CYP2R1: variants seen among roughly 807,000 people sequenced by gnomAD.
CYP2R1 encodes the protein vitamin D 25-hydroxylase.
CYP2R1 carries 40 observed loss-of-function variants against 45.7 expected under a neutral mutation model. The ratio of observed to expected loss-of-function variants is 0.87; its 90% CI spans 0.68 to 1.14. The LOEUF (loss-of-function observed/expected upper bound fraction) is 1.14, where lower values mean the gene tolerates loss of function less well. Among genes scored for constraint, CYP2R1 ranks in the 50% most tolerant of loss-of-function variants. The pLI, the probability that CYP2R1 is intolerant of heterozygous loss-of-function variation, is 0.00. For synonymous variants in CYP2R1, 234 were observed against 219.3 expected, an observed-to-expected ratio of 1.07 and a Z score of -0.59; for missense variants, 605 against 602.6, an observed-to-expected ratio of 1.00 and a Z score of -0.04.
At chr11:14,883,670 C>G (rs1376068992) in intron 2 of CYP2R1, among the ~76,000 whole-genome samples, 6 of 152,062 alleles carry the variant, frequency 3.9e-5, no homozygotes, top group Admixed American at 3.9e-4. Context: ...CAACAAAAGA[C>G]AAAATTGACA....
Position 14,892,145 on chromosome 11 carries a change from G to C in CYP2R1, c.61C>G (p.Leu21Val). 5 of 1,611,278 alleles carry C rather than the reference G, an allele frequency of 3.1e-6. No individual in the cohort carries two copies. In the East Asian group the frequency reaches 1.1e-4, roughly 36 times the overall value. The part of the protein sequence containing the change: ...AAALGGALFL[L>V]LFALGVRQLL... The stretch of plus-strand genomic sequence containing the variant: ...TGGCGGACCCCTAGCGCGAAGAGCA[G>C]CAGGAAGAGCGCGCCGCCGAGCGCC... Residue 21 changes from leucine to valine, a missense_variant, in exon 1 of 5, where the codon CTG becomes GTG. Leu to Val is a conservative substitution (Grantham distance 32). Transcript: ENST00000334636.
rs1848345376 is a variant in CYP2R1 at position 14,880,647 on chromosome 11, T to G, written c.489A>C (p.Lys163Asn). ...SFESKILEET[K>N]FFNDAIETYK... ...ATGTTTCAATAGCATCATTGAAAAA[T>G]TTGGTTTCTTCCAAGATTTTAGATT... The change falls in exon 3 of 5, where the codon AAA becomes AAC. Residue 163 changes from lysine to asparagine, a missense_variant. By Grantham distance (94) the Lys-to-Asn change is moderately conservative. Coordinates refer to ENST00000334636, the MANE Select transcript of CYP2R1 (RefSeq NM_024514.5). 1 of 1,598,208 alleles carries G rather than the reference T, an allele frequency of 6.3e-7. No homozygotes were observed. The highest frequency in any genetic ancestry group is 8.5e-7 in the Non-Finnish European group (1 of 1,174,016).
At chr11:14,884,601 C>T (rs1351225521) in intron 2 of CYP2R1, among the ~76,000 whole-genome samples, 5 of 151,392 alleles carry the variant, frequency 3.3e-5, no homozygotes, top group African/African-American at 1.2e-4. Flanking sequence ...TTAATGGGTG[C>T]AGCATACCAG....
At chr11:14,884,405 C>T (rs1202117839) in intron 2 of CYP2R1, among the ~76,000 whole-genome samples, 2 of 151,764 alleles carry the variant, frequency 1.3e-5, no homozygotes, top group Non-Finnish European at 2.9e-5. Context: ...AATTGGAAAT[C>T]ATCATTCTCA....
chr11:14,891,741 C>T, intron 1 of CYP2R1: 1 of 1,345,370 alleles, frequency 7.4e-7, no homozygotes, highest in Non-Finnish European at 9.5e-7. Context: ...ACTGGATCGC[C>T]TCGGAGCCTC....
At chr11:14,878,430 T>G in intron 4 of CYP2R1, 133 bp from the exon 5 acceptor site, 1 of 885,222 alleles carries the variant, frequency 1.1e-6, no homozygotes, top group Non-Finnish European at 1.7e-6. Flanking sequence ...TATTAAAGGA[T>G]TTTCTTAAAT....
intron 4 of CYP2R1, 97 bp from the exon 5 acceptor site, chr11:14,878,394 TAAAC>T: frequency 8.3e-7 from 1 of 1,201,856 alleles, no homozygotes; most frequent in Non-Finnish European, 1.2e-6. Context: ...ATCTGGAATT[TAAAC>T]AAAGAAAGAG....
At chr11:14,884,065 A>C (rs1158092279) in intron 2 of CYP2R1, among the ~76,000 whole-genome samples, 1 of 152,052 alleles carries the variant, frequency 6.6e-6, no homozygotes, top group Non-Finnish European at 1.5e-5. Flanking sequence ...AATTAGGAAT[A>C]CTTTTACACT....
intron 1 of CYP2R1, among the ~76,000 whole-genome samples, chr11:14,889,899 C>A (rs1848764582): frequency 6.6e-6 from 1 of 152,092 alleles, no homozygotes; most frequent in Non-Finnish European, 1.5e-5. Flanking sequence ...GAGGCCGAGG[C>A]GGGCAGATCA....
At chr11:14,885,150 T>A (rs967529353) in intron 2 of CYP2R1, among the ~76,000 whole-genome samples, 7 of 152,198 alleles carry the variant, frequency 4.6e-5, no homozygotes, top group African/African-American at 7.2e-5. Flanking sequence ...ACAACTTTAG[T>A]AAAAATTCTT....
intron 1 of CYP2R1, 79 bp downstream of exon 1, chr11:14,891,902 A>G (rs1590237446): frequency 1.3e-5 from 20 of 1,527,570 alleles, no homozygotes; most frequent in East Asian, 7.3e-5. Flanking sequence ...AGGGGCGGCC[A>G]TAAGTCCAAC....
At chr11:14,892,274 A>G, upstream of CYP2R1, 2 of 1,442,612 alleles carry the variant, frequency 1.4e-6, no homozygotes, top group Non-Finnish European at 1.9e-6. Context: ...GCCCTGCCAT[A>G]CTCCCATTGG....
chr11:14,891,610 C>G, intron 1 of CYP2R1: 1 of 1,066,076 alleles, frequency 9.4e-7, no homozygotes, highest in Non-Finnish European at 1.1e-6. Flanking sequence ...GCGAGGCCGA[C>G]TCGCAAGACG....
chr11:14,890,526 C>T, intron 1 of CYP2R1: 5 of 314,650 alleles, frequency 1.6e-5, no homozygotes, highest in Non-Finnish European at 2.2e-5. Flanking sequence ...TTCTAGAAAC[C>T]TAGACCAATT....
At chr11:14,887,719 T>TTGAAGGATGTATGGAGTGG in intron 1 of CYP2R1, 2 of 780,718 alleles carry the variant, frequency 2.6e-6, no homozygotes, top group South Asian at 5.8e-5. Context: ...TAATGACCAC[T>TTGAAGGATGTATGGAGTGG]CCATACATCC....
In CYP2R1 at chr11:14,878,126, C is replaced by T. The variant is rs782792215; in HGVS notation, c.1502G>A (p.Arg501His). 5.6e-6 allele frequency: 9 copies of T among 1,612,826 alleles called. No individual in the cohort carries two copies. The highest frequency in any genetic ancestry group is 4.5e-5 in the East Asian group (2 of 44,866). ...CCGAAAACATCCCAGGCAGTTTCAG[C>T]GTCTTTCAGCACAGATGAGGTAGGG... Reference protein sequence around the residue: ...PQPYLICAERR With the variant: ...PQPYLICAERH The change falls in exon 5 of 5, where the codon CGC (arginine) becomes CAC (histidine). Residue 501 changes from arginine (R) to histidine (H), a missense_variant. By Grantham distance (29) the Arg-to-His change is conservative. Transcript: ENST00000334636.
chr11:14,885,693 C>G (rs1229092898), intron 2 of CYP2R1, 83 bp downstream of exon 2: 7 of 1,410,850 alleles, frequency 5.0e-6, no homozygotes, highest in Non-Finnish European at 7.0e-6. Context: ...AAAATAATCC[C>G]AACTGTATGC....
rs374132162 is a variant in CYP2R1 at position 14,892,177 on chromosome 11, C to G, written c.29G>C (p.Gly10Ala). The change falls in exon 1 of 5, where the codon GGC becomes GCC. Residue 10 changes from glycine to alanine, a missense_variant. Physicochemically the swap from Gly to Ala is moderately conservative, Grantham distance 60. Transcript: ENST00000334636. MWKLWRAEE[G>A]AAALGGALFL... ...GAGCGCGCCGCCGAGCGCCGCCGCG[C>G]CCTCTTCAGCTCTCCAAAGCTTCCA... The G allele has an allele frequency of 1.2e-4, 199 of 1,610,696 alleles. 1 individual carries two copies. The African/African-American group carries it at 2.5e-3, about 21-fold the overall frequency.
chr11:14,891,380 C>A (rs1848849552), intron 1 of CYP2R1: 4 of 985,692 alleles, frequency 4.1e-6, no homozygotes, highest in Non-Finnish European at 4.8e-6. Flanking sequence ...CGCTGTAGGA[C>A]CCCCGCAGCG....
Sources: allele counts gnomAD v4.1 joint callset (sites outside exome capture counted in the v4.1 genomes callset), GRCh38; gene constraint gnomAD v4.1.1; transcripts MANE v1.5; gene names NCBI Gene and HGNC (gene_info 2026-07-23, HGNC 2026-07-21).